The following SOX5 variants were observed in gnomAD, a reference collection of about 807,000 sequenced individuals.
The protein encoded by SOX5 is transcription factor SOX-5.
Under a neutral mutation model 92.0 loss-of-function variants are expected in SOX5, and 9 were observed. The observed-to-expected ratio is 0.10, with a 90% CI of 0.06 to 0.17. SOX5 has a LOEUF of 0.17. Ranked by LOEUF, SOX5 falls within the 10% of genes least tolerant of loss-of-function variation. The pLI, the probability that SOX5 is intolerant of heterozygous loss-of-function variation, is 1.00. For synonymous variants in SOX5, 344 were observed against 336.3 expected (o/e 1.02, Z -0.25); for missense variants, 642 against 944.5 (o/e 0.68, Z 4.20).
chr12:24,292,228 A>G (rs1295660751), intron 2 of SOX5, among the ~76,000 whole-genome samples: 2 of 152,248 alleles, frequency 1.3e-5, no homozygotes, highest in Non-Finnish European at 2.9e-5. Flanking sequence ...AATCACTGAC[A>G]TCAATATGAT....
chr12:23,812,239 GT>G (rs1440913469), intron 3 of SOX5, among the ~76,000 whole-genome samples: 1 of 151,922 alleles, frequency 6.6e-6, no homozygotes, highest in Non-Finnish European at 1.5e-5. Flanking sequence ...GCTACTAATG[GT>G]ATATATTACT....
At chr12:23,817,708 A>G (rs1454753391) in intron 3 of SOX5, among the ~76,000 whole-genome samples, 1 of 152,230 alleles carries the variant, frequency 6.6e-6, no homozygotes, top group Non-Finnish European at 1.5e-5. Context: ...AAAGATATAT[A>G]ATAGAATGCA....
chr12:24,378,952 G>C (rs1344671545), intron 1 of SOX5, among the ~76,000 whole-genome samples: 2 of 152,190 alleles, frequency 1.3e-5, no homozygotes, highest in African/African-American at 2.4e-5. Context: ...TACAGATGTA[G>C]ATTTGTCATG....
At chr12:23,536,819 G>T (rs1240306273) in intron 13 of SOX5, 150 bp from the exon 14 acceptor site, 1 of 642,474 alleles carries the variant, frequency 1.6e-6, no homozygotes, top group African/African-American at 1.8e-5. Context: ...GATCCCACAA[G>T]AACAGAGGTG....
chr12:23,638,769 G>A (rs2079612467), intron 8 of SOX5, among the ~76,000 whole-genome samples: 1 of 151,940 alleles, frequency 6.6e-6, no homozygotes, highest in African/African-American at 2.4e-5. Context: ...AGAAAAGTGA[G>A]TTGGTGTAAG....
chr12:24,380,673 G>GCCTCT (rs1957735670), intron 1 of SOX5, among the ~76,000 whole-genome samples: 1 of 152,136 alleles, frequency 6.6e-6, no homozygotes, highest in Non-Finnish European at 1.5e-5. Context: ...GCTGGGCTGA[G>GCCTCT]CCTCATGTTG....
At chr12:24,401,645 A>G (rs1006511918) in intron 1 of SOX5, among the ~76,000 whole-genome samples, 5 of 148,860 alleles carry the variant, frequency 3.4e-5, no homozygotes, top group African/African-American at 9.9e-5. Context: ...AGGAGTTGGA[A>G]GATGCAGTGG....
chr12:24,096,277 C>T (rs949615528), intron 4 of SOX5, among the ~76,000 whole-genome samples: 2 of 152,142 alleles, frequency 1.3e-5, no homozygotes, highest in African/African-American at 4.8e-5. Context: ...AACCCCCAAA[C>T]TTTTAATTCT....
chr12:24,098,971 G>A (rs1035513493), intron 4 of SOX5, among the ~76,000 whole-genome samples: 1 of 152,112 alleles, frequency 6.6e-6, no homozygotes, highest in African/African-American at 2.4e-5. Flanking sequence ...GTTAGTTCTG[G>A]AATCATTCTT....
intron 2 of SOX5, among the ~76,000 whole-genome samples, chr12:23,858,352 A>G (rs2096718274): frequency 6.6e-6 from 1 of 152,182 alleles, no homozygotes; most frequent in Admixed American, 6.6e-5. Context: ...CAAGAGAGAA[A>G]CAAACAGCCC....
chr12:24,517,398 C>A (rs1307526826), intron 1 of SOX5, among the ~76,000 whole-genome samples: 1 of 151,946 alleles, frequency 6.6e-6, no homozygotes, highest in Non-Finnish European at 1.5e-5. Flanking sequence ...TCAAAAAGCA[C>A]GGGAAACACA....
chr12:24,397,038 T>C (rs529479673), intron 1 of SOX5, among the ~76,000 whole-genome samples: 1 of 152,344 alleles, frequency 6.6e-6, no homozygotes, highest in South Asian at 2.1e-4. Context: ...GTGTTAGTAC[T>C]TTGCCACCTT....
intron 2 of SOX5, among the ~76,000 whole-genome samples, chr12:23,850,419 C>A (rs1244650298): frequency 1.4e-5 from 2 of 140,192 alleles, no homozygotes; most frequent in Admixed American, 7.9e-5. Context: ...CAGAGTGAGA[C>A]TCTGTCTACA....
chr12:24,291,390 C>T (rs1946605727), intron 2 of SOX5, among the ~76,000 whole-genome samples: 1 of 152,154 alleles, frequency 6.6e-6, no homozygotes, highest in South Asian at 2.1e-4. Flanking sequence ...TGGTACAGCA[C>T]AGGTAGTTCT....
intron 1 of SOX5, among the ~76,000 whole-genome samples, chr12:24,483,074 A>C (rs934506052): frequency 6.6e-6 from 1 of 152,218 alleles, no homozygotes; most frequent in Non-Finnish European, 1.5e-5. Flanking sequence ...AGTTACAATG[A>C]TACTTATTTC....
At chr12:24,088,574 C>A (rs1944283793) in intron 4 of SOX5, among the ~76,000 whole-genome samples, 1 of 151,638 alleles carries the variant, frequency 6.6e-6, no homozygotes, top group African/African-American at 2.4e-5. Flanking sequence ...TTCTAGAGAT[C>A]TGATATTAAT....
At chr12:23,739,156 A>G (rs763562403) in intron 5 of SOX5, among the ~76,000 whole-genome samples, 1 of 152,188 alleles carries the variant, frequency 6.6e-6, no homozygotes, top group Non-Finnish European at 1.5e-5. Flanking sequence ...CACGAATATT[A>G]AATAGTGGCC....
chr12:23,993,888 T>C (rs1404700905), intron 4 of SOX5, among the ~76,000 whole-genome samples: 2 of 151,832 alleles, frequency 1.3e-5, no homozygotes, highest in Non-Finnish European at 2.9e-5. Context: ...TGTATGTATG[T>C]ATGTATGTAT....
chr12:23,859,311 G>A (rs903432558), intron 2 of SOX5, among the ~76,000 whole-genome samples: 1 of 152,118 alleles, frequency 6.6e-6, no homozygotes, highest in Non-Finnish European at 1.5e-5. Flanking sequence ...CCTGGGGAAG[G>A]AATGCATTTC....
Sources: gnomAD v4.1 joint callset for allele counts (sites outside exome capture counted in the v4.1 genomes callset) on GRCh38, gnomAD v4.1.1 for gene constraint, MANE v1.5 for transcripts, NCBI Gene and HGNC (gene_info 2026-07-23, HGNC 2026-07-21) for gene names.